Variants in SYDE2 observed in about 807,000 individuals in gnomAD.
SYDE2 encodes the protein synapse defective Rho GTPase homolog 2.
A neutral mutation model predicts 91.5 loss-of-function variants in SYDE2; 76 were observed. The observed-to-expected ratio is 0.83, with a 90% CI of 0.69 to 1.01. The LOEUF (loss-of-function observed/expected upper bound fraction) is 1.01. Among genes scored for constraint, SYDE2 ranks in the 50% least tolerant of loss-of-function variants. The pLI, the probability that SYDE2 is intolerant of heterozygous loss-of-function variation, is 0.00. For missense variants in SYDE2, 1,364 were observed against 1,367.7 expected (o/e 1.00, Z 0.04); for synonymous variants, 513 against 506.4 (o/e 1.01, Z -0.18).
chr1:85,188,621 G>A (rs936470290), intron 2 of SYDE2, among the ~76,000 whole-genome samples: 4 of 152,130 alleles, frequency 2.6e-5, no homozygotes, highest in Non-Finnish European at 4.4e-5. Flanking sequence ...CTATCACTAC[G>A]GGCAACTGGA....
At chr1:85,195,481 A>G (rs1331843604) in intron 1 of SYDE2, among the ~76,000 whole-genome samples, 2 of 152,074 alleles carry the variant, frequency 1.3e-5, no homozygotes, top group African/African-American at 4.8e-5. Context: ...TTTCCTAGAC[A>G]AATCTAAAAG....
intron 6 of SYDE2, among the ~76,000 whole-genome samples, chr1:85,162,836 TGTGG>T (rs1038811788): frequency 6.6e-6 from 1 of 152,150 alleles, no homozygotes; most frequent in Non-Finnish European, 1.5e-5. Flanking sequence ...AGTTTTCATT[TGTGG>T]TAATGACAAG....
chr1:85,171,502 G>A (rs1657505140), intron 4 of SYDE2, among the ~76,000 whole-genome samples: 1 of 152,142 alleles, frequency 6.6e-6, no homozygotes, highest in Admixed American at 6.5e-5. Flanking sequence ...AGTTGGGTTA[G>A]ATAAGAATAG....
At chr1:85,186,748 AAAAC>A (rs1658156738) in intron 2 of SYDE2, among the ~76,000 whole-genome samples, 1 of 151,998 alleles carries the variant, frequency 6.6e-6, no homozygotes, top group African/African-American at 2.4e-5. Flanking sequence ...AAACCTGAGA[AAAAC>A]AAGCAATGGG....
intron 4 of SYDE2, among the ~76,000 whole-genome samples, chr1:85,176,438 A>G (rs920251597): frequency 3.3e-5 from 5 of 152,180 alleles, no homozygotes; most frequent in African/African-American, 1.2e-4. Flanking sequence ...TGATGAAAAT[A>G]CAGTCATTCA....
intron 5 of SYDE2, among the ~76,000 whole-genome samples, chr1:85,165,581 T>TATAA (rs992579667): frequency 5.5e-5 from 8 of 146,754 alleles, no homozygotes; most frequent in Non-Finnish European, 7.5e-5. Flanking sequence ...CTAATATACA[T>TATAA]ATAAATAAAT....
intron 1 of SYDE2, among the ~76,000 whole-genome samples, chr1:85,193,267 T>A (rs545534662): frequency 6.6e-6 from 1 of 152,324 alleles, no homozygotes; most frequent in South Asian, 2.1e-4. Flanking sequence ...CACATTTAAG[T>A]TCAAATCCAG....
Position 85,190,206 on chromosome 1 carries a change from T to C in SYDE2, c.1292A>G (p.Asp431Gly), listed in dbSNP as rs1408516243. 3 of 1,613,982 alleles carry C rather than the reference T, an allele frequency of 1.9e-6. No individual in the cohort carries two copies. The highest frequency in any genetic ancestry group is 1.1e-5 in the South Asian group (1 of 91,080). Reference protein sequence around the residue: ...DSLCSSEHAGDIQTTRSNGMN... With the variant: ...DSLCSSEHAGGIQTTRSNGMN... ...TCCATTTGACCGTGTGGTCTGAATA[T>C]CACCTGCATGTTCGGAAGAGCACAG... Residue 431 changes from aspartate (D) to glycine (G), a missense_variant, in exon 2 of 7, where the codon GAT becomes GGT. Coordinates refer to ENST00000341460, the MANE Select transcript of SYDE2 (RefSeq NM_032184.2).
chr1:85,174,550 A>G (rs1452381093), intron 4 of SYDE2, among the ~76,000 whole-genome samples: 2 of 152,248 alleles, frequency 1.3e-5, no homozygotes, highest in African/African-American at 2.4e-5. Flanking sequence ...TAGTAAAGAT[A>G]CAGTTGATTA....
rs777413646 is a variant in SYDE2, at chr1:85,200,475, G to A, written c.522C>T (p.Arg174=). The A allele has an allele frequency of 6.2e-6, 10 of 1,613,902 alleles. No homozygotes were observed. The Admixed American group carries it at 1.3e-4, about 22-fold the overall frequency. The change falls in exon 1 of 7, where the codon CGC becomes CGT. Residue 174 remains arginine (R), a synonymous_variant. Coordinates refer to ENST00000341460, the MANE Select transcript of SYDE2 (RefSeq NM_032184.2). The part of the protein sequence containing the change: ...SSVIRSGKGD[R]QEGPSFLRPP... ...GCCTGAGGAAGGAGGGGCCTTCCTG[G>A]CGGTCTCCTTTGCCACTGCGTATCA... is the stretch of plus-strand genomic sequence containing the variant.
chr1:85,178,662 T>G (rs817441), intron 3 of SYDE2, among the ~76,000 whole-genome samples: 34,201 of 151,976 alleles, frequency 0.23, 4,759 homozygotes, highest in African/African-American at 0.38. Flanking sequence ...AAAGCCCCAC[T>G]GCTTGCTTCA....
chr1:85,160,812 G>A, intron 6 of SYDE2: 1 of 985,240 alleles, frequency 1.0e-6, no homozygotes, highest in African/African-American at 1.7e-5. Context: ...TTGTCCTATT[G>A]TGCCTGCATT....
intron 2 of SYDE2, among the ~76,000 whole-genome samples, chr1:85,186,207 A>G (rs917525633): frequency 1.3e-5 from 2 of 152,118 alleles, no homozygotes; most frequent in African/African-American, 4.8e-5. Context: ...CCAGTATTTT[A>G]TTGAGCATTT....
Position 85,164,611 on chromosome 1 carries a change from G to T in SYDE2, c.3000C>A (p.Val1000=), listed in dbSNP as rs77178722. Residue 1000 remains valine (V), a synonymous_variant, in exon 6 of 7, where the codon GTC becomes GTA. Transcript: ENST00000341460. ...TTGCAAGTTCTTCTGAATCAGTAAA[G>T]ACTCTGTTGTTATGGGTGGAAGGCT... The part of the protein sequence containing the change: ...RQEPSTHNNR[V]FTDSEELASA... The T allele has an allele frequency of 1.2e-6, 2 of 1,607,494 alleles. No individual in the cohort carries two copies. Among genetic ancestry groups the T allele is most frequent in the Non-Finnish European group, 1.7e-6 (2 of 1,176,784 alleles).
chr1:85,176,052 C>T (rs1248853269), intron 4 of SYDE2, among the ~76,000 whole-genome samples: 3 of 152,044 alleles, frequency 2.0e-5, no homozygotes, highest in Non-Finnish European at 4.4e-5. Context: ...AAACTAGGAA[C>T]CCTTTCTTCA....
chr1:85,194,036 T>C (rs999031641), intron 1 of SYDE2, among the ~76,000 whole-genome samples: 2 of 152,090 alleles, frequency 1.3e-5, no homozygotes, highest in African/African-American at 4.8e-5. Context: ...TATAGATAAA[T>C]GGCACATTAT....
At chr1:85,163,445 C>CTATCTATA (rs1174209275) in intron 6 of SYDE2, among the ~76,000 whole-genome samples, 2 of 87,630 alleles carry the variant, frequency 2.3e-5, no homozygotes, top group Non-Finnish European at 4.7e-5. Flanking sequence ...GTACTTTAAT[C>CTATCTATA]TATATATATA....
chr1:85,164,561 A>G lies in SYDE2; in HGVS notation c.3050T>C (p.Ile1017Thr), dbSNP rs2100647490. 1.9e-6 allele frequency: 3 copies of G among 1,606,258 alleles called. No individual in the cohort carries two copies. The highest frequency in any genetic ancestry group is 1.7e-6 in the Non-Finnish European group (2 of 1,176,552). Residue 1017 changes from isoleucine to threonine, a missense_variant, in exon 6 of 7, where the codon ATT (isoleucine) becomes ACT (threonine). By Grantham distance (89) the Ile-to-Thr change is moderately conservative. Coordinates refer to ENST00000341460, the MANE Select transcript of SYDE2 (RefSeq NM_032184.2). ...LASALDFKKH[I>T]EVLHYLLQLW... ...TTGGAGTAAGTAATGAAGAACTTCA[A>G]TGTGTTTTTTAAAATCCAAAGCACT...
intron 1 of SYDE2, among the ~76,000 whole-genome samples, chr1:85,191,329 C>G (rs1339217759): frequency 6.6e-6 from 1 of 152,134 alleles, no homozygotes; most frequent in Admixed American, 6.5e-5. Flanking sequence ...AAACAAAAAT[C>G]CCTTCAGAAG....
Sources: allele counts gnomAD v4.1 joint callset (sites outside exome capture counted in the v4.1 genomes callset), GRCh38; gene constraint gnomAD v4.1.1; transcripts MANE v1.5; gene names NCBI Gene and HGNC (gene_info 2026-07-23, HGNC 2026-07-21).